FYN: variants seen among roughly 807,000 people sequenced by gnomAD.
The protein encoded by FYN is FYN proto-oncogene, Src family tyrosine kinase, also known as tyrosine-protein kinase Fyn.
FYN carries 10 observed loss-of-function variants against 70.2 expected under a neutral mutation model. The observed-to-expected ratio is 0.14, with a 90% CI of 0.09 to 0.24. The LOEUF (loss-of-function observed/expected upper bound fraction) is 0.24, where lower values mean the gene tolerates loss of function less well. FYN is among the 10% of genes least tolerant of loss of function. The probability of loss-of-function intolerance (pLI) is 1.00; values close to 1 mark genes in which losing one functional copy is unlikely to be tolerated. For synonymous variants in FYN, 236 were observed against 248.6 expected, an observed-to-expected ratio of 0.95 and a Z score of 0.48; for missense variants, 319 against 673.1, an observed-to-expected ratio of 0.47 and a Z score of 5.82.
In FYN at chr6:111,797,916, C is replaced by T. The variant is rs183687975; in HGVS notation, c.-81-17281G>A. On this transcript the variant is annotated intron_variant, in intron 2 of 13. Transcript: ENST00000354650. ...TAGCTGGGACTACAGGCATGTGCCA[C>T]CATGTCCAGCTAATTTTTGTATTTT... Among the ~76,000 whole-genome samples, 57 of 151,860 alleles carry T rather than the reference C, an allele frequency of 3.8e-4. 1 individual carries two copies. The highest frequency in any genetic ancestry group is 1.3e-3 in the African/African-American group (55 of 41,506).
chr6:111,709,184 G>C (rs1263113733), intron 5 of FYN: 1 of 146,820 alleles, frequency 6.8e-6, no homozygotes, highest in African/African-American at 2.7e-5. Flanking sequence ...AAAACTTCAG[G>C]CATTTTAAAA....
chr6:111,747,975 C>T (rs754815821), intron 3 of FYN, among the ~76,000 whole-genome samples: 1 of 152,210 alleles, frequency 6.6e-6, no homozygotes. Flanking sequence ...CATGTGTTTC[C>T]TTCCCTCAGC....
chr6:111,704,507 A>C (rs1047826933), intron 6 of FYN, among the ~76,000 whole-genome samples: 1 of 152,154 alleles, frequency 6.6e-6, no homozygotes, highest in Admixed American at 6.5e-5. Context: ...TAATCCCAGC[A>C]CTTTGGGAGG....
intron 3 of FYN, among the ~76,000 whole-genome samples, chr6:111,751,630 T>C (rs996215269): frequency 3.3e-5 from 1 of 30,382 alleles, no homozygotes; most frequent in Non-Finnish European, 5.1e-5. Context: ...AATTCTTTCT[T>C]TTTTTTTTTG....
At chr6:111,723,788 A>C (rs1024275884) in intron 3 of FYN, among the ~76,000 whole-genome samples, 3 of 152,246 alleles carry the variant, frequency 2.0e-5, no homozygotes, top group African/African-American at 4.8e-5. Context: ...TTAATGTCCA[A>C]TGCTGTAAGT....
At chr6:111,811,912 T>C (rs1562530131) in intron 2 of FYN, among the ~76,000 whole-genome samples, 1 of 152,036 alleles carries the variant, frequency 6.6e-6, no homozygotes, top group African/African-American at 2.4e-5. Flanking sequence ...AGAACGGGAC[T>C]CTCCAGGCAT....
At chr6:111,688,874 C>G (rs1215211466) in intron 12 of FYN, among the ~76,000 whole-genome samples, 1 of 152,106 alleles carries the variant, frequency 6.6e-6, no homozygotes, top group Non-Finnish European at 1.5e-5. Flanking sequence ...GGTGAGGGGG[C>G]CCTTGGAGCA....
At chr6:111,864,559 G>GA (rs1211607433) in intron 1 of FYN, among the ~76,000 whole-genome samples, 6 of 125,048 alleles carry the variant, frequency 4.8e-5, no homozygotes, top group African/African-American at 3.0e-4. Context: ...AGGCTATGAT[G>GA]AGGATGATGA....
At chr6:111,783,860 T>C (rs1771266785) in intron 2 of FYN, among the ~76,000 whole-genome samples, 1 of 152,182 alleles carries the variant, frequency 6.6e-6, no homozygotes, top group Non-Finnish European at 1.5e-5. Flanking sequence ...ACCAGGAGCT[T>C]GTAAGAGCTG....
intron 1 of FYN, among the ~76,000 whole-genome samples, chr6:111,872,373 A>C (rs1326758347): frequency 7.3e-6 from 1 of 137,732 alleles, no homozygotes; most frequent in African/African-American, 2.7e-5. Flanking sequence ...AAGAGGAGGG[A>C]AGGCTCCAGC....
At chr6:111,763,174 G>A (rs1037524181) in intron 3 of FYN, among the ~76,000 whole-genome samples, 1 of 152,284 alleles carries the variant, frequency 6.6e-6, no homozygotes, top group Non-Finnish European at 1.5e-5. Flanking sequence ...CCTTCGAGAT[G>A]TCCAGCCTTG....
Position 111,846,569 on chromosome 6 carries a change from T to C in FYN, c.-82+20A>G, listed in dbSNP as rs1773533317. On this transcript the variant is annotated intron_variant, in intron 2 of 13. Transcript: ENST00000354650. The stretch of plus-strand genomic sequence containing the variant: ...TAATTCACAAGGCACTTGCTCTCAG[T>C]GCAAAACTTGCCAACTTACTTTTTC... The C allele has an allele frequency of 2.5e-6, 1 of 398,818 alleles. No individual in the cohort carries two copies. The highest frequency in any genetic ancestry group is 2.1e-5 in the African/African-American group (1 of 48,598). The allele number at this position is 398,818 out of a possible 1,614,324, so 24.7% of individuals were successfully genotyped here. A position where few individuals can be genotyped will look rare whatever the true frequency, so the allele number is the denominator to read the frequency against.
intron 2 of FYN, among the ~76,000 whole-genome samples, chr6:111,782,161 CTTTA>C (rs916005296): frequency 3.9e-5 from 6 of 152,146 alleles, no homozygotes; most frequent in African/African-American, 1.4e-4. Context: ...TCTTATGCCT[CTTTA>C]TTTTTCTCTT....
At chr6:111,674,411 C>A in intron 13 of FYN, 88 bp downstream of exon 13, 1 of 1,433,700 alleles carries the variant, frequency 7.0e-7, no homozygotes, top group South Asian at 1.4e-5. Context: ...GAGGATGGGG[C>A]TTAGAAAGCA....
intron 1 of FYN, among the ~76,000 whole-genome samples, chr6:111,852,441 T>C (rs150253788): frequency 7.2e-5 from 11 of 152,252 alleles, no homozygotes; most frequent in African/African-American, 2.2e-4. Flanking sequence ...ACAGGTAGTA[T>C]TGACAACCCT....
chr6:111,698,606 A>T (rs1013494808), intron 9 of FYN, among the ~76,000 whole-genome samples: 4 of 152,186 alleles, frequency 2.6e-5, no homozygotes, highest in Admixed American at 2.0e-4. Context: ...AAACCCATGA[A>T]TTGTTTCTAA....
chr6:111,755,287 T>C (rs1802676069), intron 3 of FYN, among the ~76,000 whole-genome samples: 2 of 152,130 alleles, frequency 1.3e-5, no homozygotes, highest in African/African-American at 4.8e-5. Context: ...TCATAGCTGC[T>C]TAGAAGCCAA....
chr6:111,700,671 T>C (rs804185), intron 8 of FYN, among the ~76,000 whole-genome samples: 3,408 of 152,318 alleles, frequency 0.022, 143 homozygotes, highest in African/African-American at 0.076. Flanking sequence ...TTTTTGGGAA[T>C]GCTGAAAATA....
In FYN at chr6:111,694,508, G is replaced by A; in HGVS notation, c.1140C>T (p.Tyr380=). 6.2e-7 allele frequency: 1 copy of A among 1,614,218 alleles called. No individual in the cohort carries two copies. Among genetic ancestry groups the A allele is most frequent in the Non-Finnish European group, 8.5e-7 (1 of 1,180,032 alleles). The change falls in exon 12 of 14, where the codon TAC becomes TAT. Residue 380 remains tyrosine (Y), a synonymous_variant. Coordinates refer to ENST00000354650, the MANE Select transcript of FYN (RefSeq NM_002037.5). This position sits in a 1 kb window ranked among gnomAD's most constrained non-coding sequence, Gnocchi z 5.0. ...MAAQVAAGMA[Y]IERMNYIHRD... ...TATGGATATAATTCATGCGCTCGAT[G>A]TAAGCCATTCCTGCAGCCACCTGTG...
Sources: gnomAD v4.1 joint callset for allele counts (sites outside exome capture counted in the v4.1 genomes callset) on GRCh38, gnomAD v4.1.1 for gene constraint, Gnocchi (gnomAD v3.1) non-coding constraint, MANE v1.5 for transcripts, NCBI Gene and HGNC (gene_info 2026-07-23, HGNC 2026-07-21) for gene names.